SAFB: variants seen among roughly 807,000 people sequenced by gnomAD.
SAFB encodes scaffold attachment factor B1.
In SAFB, 15 loss-of-function variants were observed where a neutral mutation model predicts 101.6. The observed-to-expected ratio is 0.15, with a 90% CI of 0.10 to 0.23. The LOEUF is 0.23. Among genes scored for constraint, SAFB ranks in the 10% least tolerant of loss-of-function variants. SAFB has a pLI of 1.00. For missense variants in SAFB, 930 were observed against 1,104.1 expected (o/e 0.84, Z 2.23); for synonymous variants, 449 against 407.5 (o/e 1.10, Z -1.23).
chr19:5,633,148 GA>G (rs2053524983), intron 2 of SAFB, among the ~76,000 whole-genome samples: 1 of 152,152 alleles, frequency 6.6e-6, no homozygotes, highest in Admixed American at 6.5e-5. Context: ...GCCAAATGGT[GA>G]TTTTTTAATT....
At position 5,667,511 on chromosome 19, in the gene SAFB, C is replaced by T; in HGVS notation, c.2557+61C>T. 8 of 1,189,768 alleles carry T rather than the reference C, an allele frequency of 6.7e-6. No individual in the cohort carries two copies. The highest frequency in any genetic ancestry group is 2.6e-5 in the East Asian group (1 of 38,796). 73.7% of individuals were successfully genotyped at this position (1,189,768 alleles called of 1,614,324 possible). A position where few individuals can be genotyped will look rare whatever the true frequency, so the allele number is the denominator to read the frequency against. ...TGGGGAGTGATGGAAAGATGGAGGCCGCGCCTTCTCTCCTTGGGGGAGCAC... is the reference window on the plus strand; with the variant it reads ...TGGGGAGTGATGGAAAGATGGAGGCTGCGCCTTCTCTCCTTGGGGGAGCAC... On this transcript the variant is annotated intron_variant, in intron 19 of 20. Coordinates refer to ENST00000588852, the MANE Select transcript of SAFB (RefSeq NM_001201338.2). The surrounding 1 kb of genome is among the most constrained non-coding windows in gnomAD (Gnocchi z 4.0).
chr19:5,648,606 A>G (rs2145446096), intron 6 of SAFB, among the ~76,000 whole-genome samples: 1 of 152,354 alleles, frequency 6.6e-6, no homozygotes, highest in Non-Finnish European at 1.5e-5. Flanking sequence ...CTGTTAAAAG[A>G]AATTCAAAGA....
At chr19:5,633,898 A>C (rs1362295960) in intron 2 of SAFB, among the ~76,000 whole-genome samples, 1 of 152,150 alleles carries the variant, frequency 6.6e-6, no homozygotes, top group African/African-American at 2.4e-5. Context: ...ATTGTACCTC[A>C]GGAAATTAAG....
At chr19:5,633,778 CAAA>C (rs555460053) in intron 2 of SAFB, among the ~76,000 whole-genome samples, 1 of 120,772 alleles carries the variant, frequency 8.3e-6, no homozygotes. Flanking sequence ...GACTCCGTCT[CAAA>C]AAAAAAAAAA....
intron 8 of SAFB, among the ~76,000 whole-genome samples, 174 bp downstream of exon 8, chr19:5,650,149 A>T (rs980334822): frequency 6.6e-6 from 1 of 152,194 alleles, no homozygotes; most frequent in Non-Finnish European, 1.5e-5. Flanking sequence ...TGTAGGAAGC[A>T]TACCAGGTCC....
Position 5,652,690 on chromosome 19 carries a change from C to T in SAFB, c.1294-425C>T, listed in dbSNP as rs374663993. Among the ~76,000 whole-genome samples, 213 of 152,230 alleles carry T rather than the reference C, an allele frequency of 1.4e-3. 2 individuals carry two copies. The highest frequency in any genetic ancestry group is 2.6e-3 in the Non-Finnish European group (175 of 68,004). On this transcript the variant is annotated intron_variant, in intron 9 of 20. Transcript: ENST00000588852. ...TAGGGCAGATCTGAGTTCCAGAGCA[C>T]GGCTCACAGACCTTTCCTTGCATCA...
At chr19:5,638,119 G>C (rs561901680) in intron 2 of SAFB, among the ~76,000 whole-genome samples, 1 of 152,200 alleles carries the variant, frequency 6.6e-6, no homozygotes, top group African/African-American at 2.4e-5. Flanking sequence ...TTTGGATGAA[G>C]GTGCCAGCAT....
intron 17 of SAFB, chr19:5,664,805 G>A (rs12981365): frequency 0.014 from 3,665 of 270,058 alleles, 38 homozygotes; most frequent in Middle Eastern, 0.023. Flanking sequence ...GGCTGTGGTT[G>A]CTGTGTCTGT....
intron 16 of SAFB, 24 bp from the exon 17 acceptor site, chr19:5,664,373 G>T: frequency 1.2e-6 from 2 of 1,606,882 alleles, no homozygotes; most frequent in South Asian, 2.2e-5. Flanking sequence ...TCCCCTTACG[G>T]TTTGATTTAA....
intron 4 of SAFB, among the ~76,000 whole-genome samples, chr19:5,642,726 G>A (rs756324034): frequency 3.7e-5 from 5 of 134,996 alleles, no homozygotes; most frequent in Non-Finnish European, 6.1e-5. Flanking sequence ...GCAGTGGCGC[G>A]ATCTCAGCTC....
intron 15 of SAFB, among the ~76,000 whole-genome samples, chr19:5,663,353 A>G (rs1194647085): frequency 6.6e-6 from 1 of 152,172 alleles, no homozygotes; most frequent in Non-Finnish European, 1.5e-5. Flanking sequence ...ATGAACACAA[A>G]ATGCTGAGCA....
chr19:5,631,397 G>T (rs1164236848), intron 2 of SAFB, among the ~76,000 whole-genome samples: 1 of 152,098 alleles, frequency 6.6e-6, no homozygotes, highest in Admixed American at 6.5e-5. Flanking sequence ...TTTGCTTCTT[G>T]TAATCAGTTT....
chr19:5,623,945 A>T (rs1290413294), intron 1 of SAFB: 1 of 152,384 alleles, frequency 6.6e-6, no homozygotes, highest in Non-Finnish European at 1.5e-5. Context: ...ATAGAAAAAA[A>T]CCCACCACAA....
intron 2 of SAFB, among the ~76,000 whole-genome samples, chr19:5,632,098 A>T (rs1349196774): frequency 2.0e-5 from 3 of 152,200 alleles, no homozygotes; most frequent in Non-Finnish European, 4.4e-5. Context: ...TAGTGTCATC[A>T]CAAAGTACAA....
chr19:5,666,056 C>G (rs1043602461), intron 17 of SAFB: 1 of 152,184 alleles, frequency 6.6e-6, no homozygotes, highest in African/African-American at 2.4e-5. Flanking sequence ...GGACAACAAC[C>G]AGCCTGTGTC....
Position 5,667,897 on chromosome 19 carries a change from C to G in SAFB, c.2624+11C>G. On this transcript the variant is annotated intron_variant, in intron 20 of 20. Coordinates refer to ENST00000588852, the MANE Select transcript of SAFB (RefSeq NM_001201338.2). The surrounding 1 kb of genome is among the most constrained non-coding windows in gnomAD (Gnocchi z 4.0). ...AGGAGGAATGTCAGGGTAAGGCATG[C>G]TGGGGGCGGCGCCCCTTCCCCCTGC... is the stretch of plus-strand genomic sequence containing the variant. 1 of 1,593,480 alleles carries G rather than the reference C, an allele frequency of 6.3e-7. No homozygotes were observed. Among genetic ancestry groups the G allele is most frequent in the Non-Finnish European group, 8.5e-7 (1 of 1,169,814 alleles).
At position 5,637,317 on chromosome 19, in the gene SAFB, C is replaced by T. The variant is rs1473005039; in HGVS notation, c.275-4277C>T. Among the ~76,000 whole-genome samples the T allele has an allele frequency of 4.1e-5, 6 of 145,934 alleles. No homozygotes were observed. In the South Asian group the frequency reaches 6.6e-4, roughly 16 times the overall value. Reference sequence around the variant, plus strand: ...CAAGATCGTGCCACTGCTCTCCAGCCTGGGCTACAGAGCCAGACTCCATCT... The same window carrying T: ...CAAGATCGTGCCACTGCTCTCCAGCTTGGGCTACAGAGCCAGACTCCATCT... On this transcript the variant is annotated intron_variant, in intron 2 of 20. Transcript: ENST00000588852.
intron 2 of SAFB, among the ~76,000 whole-genome samples, chr19:5,635,083 A>T (rs1216602512): frequency 6.6e-6 from 1 of 152,114 alleles, no homozygotes; most frequent in African/African-American, 2.4e-5. Flanking sequence ...GGTTCCGGTG[A>T]GCCGAGATCA....
chr19:5,664,214 CT>C (rs1268234121), intron 16 of SAFB, 55 bp downstream of exon 16: 1 of 1,588,382 alleles, frequency 6.3e-7, no homozygotes, highest in South Asian at 1.1e-5. Context: ...CTCATTCTGA[CT>C]GAGAACAAGG....
Sources: gnomAD v4.1 joint callset for allele counts (sites outside exome capture counted in the v4.1 genomes callset) on GRCh38, gnomAD v4.1.1 for gene constraint, Gnocchi (gnomAD v3.1) non-coding constraint, MANE v1.5 for transcripts, NCBI Gene and HGNC (gene_info 2026-07-23, HGNC 2026-07-21) for gene names.